ABR: variants seen among roughly 807,000 people sequenced by gnomAD.
ABR encodes the protein ABR activator of RhoGEF and GTPase, also known as active breakpoint cluster region-related protein.
ABR carries 35 observed loss-of-function variants against 107.2 expected under a neutral mutation model. The ratio of observed to expected loss-of-function variants is 0.33; its 90% CI spans 0.25 to 0.43. ABR has a LOEUF of 0.43. Ranked by LOEUF, ABR falls within the 20% of genes least tolerant of loss-of-function variation. The probability of loss-of-function intolerance (pLI) is 1.00; values close to 1 mark genes in which losing one functional copy is unlikely to be tolerated. For missense variants in ABR, 815 were observed against 1,115.2 expected, an observed-to-expected ratio of 0.73 and a Z score of 3.83; for synonymous variants, 498 against 462.0, an observed-to-expected ratio of 1.08 and a Z score of -1.00.
At chr17:1,046,737 A>G (rs1245259352) in intron 16 of ABR, among the ~76,000 whole-genome samples, 1 of 152,212 alleles carries the variant, frequency 6.6e-6, no homozygotes, top group Non-Finnish European at 1.5e-5. Context: ...CATGGCACAG[A>G]GGAGGGAACA....
chr17:1,163,353 T>C (rs2041382356), intron 1 of ABR, among the ~76,000 whole-genome samples: 1 of 152,200 alleles, frequency 6.6e-6, no homozygotes, highest in African/African-American at 2.4e-5. Context: ...GACAATTCCA[T>C]AGAAACTTTT....
intron 16 of ABR, among the ~76,000 whole-genome samples, chr17:1,028,318 C>T (rs188726298): frequency 4.0e-5 from 6 of 149,956 alleles, no homozygotes; most frequent in Middle Eastern, 7.0e-3. Flanking sequence ...AGGCTGGTCT[C>T]GAACGCCTGA....
chr17:1,134,845 G>A (rs562624798), intron 1 of ABR, among the ~76,000 whole-genome samples: 5 of 152,352 alleles, frequency 3.3e-5, no homozygotes, highest in Non-Finnish European at 5.9e-5. Context: ...CTGTGCCTCC[G>A]AGGAGTGCCT....
At chr17:1,197,841 C>T (rs914434304) in intron 1 of ABR, among the ~76,000 whole-genome samples, 3 of 151,634 alleles carry the variant, frequency 2.0e-5, no homozygotes, top group African/African-American at 7.3e-5. Flanking sequence ...CCCCAGAGAG[C>T]AGTATCTATG....
intron 1 of ABR, among the ~76,000 whole-genome samples, chr17:1,195,564 G>C (rs1032675861): frequency 2.6e-5 from 4 of 151,782 alleles, no homozygotes; most frequent in Non-Finnish European, 5.9e-5. Flanking sequence ...CAGCACTGTG[G>C]GAGGCCGAGG....
At chr17:1,172,857 GC>G (rs2041765761) in intron 1 of ABR, among the ~76,000 whole-genome samples, 2 of 152,096 alleles carry the variant, frequency 1.3e-5, no homozygotes, top group South Asian at 2.1e-4. Context: ...CCCTATCACA[GC>G]CCCAGAGATG....
intron 1 of ABR, among the ~76,000 whole-genome samples, chr17:1,131,135 C>G (rs552294231): frequency 6.1e-4 from 76 of 124,660 alleles, no homozygotes; most frequent in African/African-American, 2.5e-3. Context: ...CAGCTCCCCC[C>G]TCTTTGCACA....
intron 16 of ABR, among the ~76,000 whole-genome samples, chr17:1,042,622 C>T (rs1268567505): frequency 6.8e-6 from 1 of 148,074 alleles, no homozygotes; most frequent in Non-Finnish European, 1.5e-5. Flanking sequence ...GACGTGGCAC[C>T]TACATCCACG....
chr17:1,098,372 C>T (rs986139817), intron 3 of ABR, among the ~76,000 whole-genome samples: 3 of 151,668 alleles, frequency 2.0e-5, no homozygotes, highest in African/African-American at 7.3e-5. Context: ...ACACGGCGCC[C>T]GGCCAAAGCC....
At chr17:1,069,429 C>T (rs551960850) in intron 9 of ABR, among the ~76,000 whole-genome samples, 1 of 152,096 alleles carries the variant, frequency 6.6e-6, no homozygotes, top group Non-Finnish European at 1.5e-5. Flanking sequence ...TTTGGGAGGC[C>T]GAGGCGGGCA....
intron 16 of ABR, chr17:1,031,937 T>A: frequency 1.2e-6 from 1 of 853,800 alleles, no homozygotes; most frequent in Non-Finnish European, 1.5e-6. Flanking sequence ...GCATCCCTCC[T>A]TCCCCGCCCT....
intron 4 of ABR, 53 bp downstream of exon 4, chr17:1,091,612 T>A (rs933982159): frequency 4.6e-5 from 73 of 1,574,368 alleles, no homozygotes; most frequent in Non-Finnish European, 6.2e-5. Flanking sequence ...CCTGCAACAC[T>A]ATGGGCTCCA....
intron 1 of ABR, among the ~76,000 whole-genome samples, chr17:1,203,247 T>C: frequency 6.6e-6 from 1 of 151,108 alleles, no homozygotes. Context: ...GGAGACTCCT[T>C]GGAAGGGGCT....
chr17:1,031,749 G>GGA, intron 16 of ABR: 1 of 1,237,010 alleles, frequency 8.1e-7, no homozygotes, highest in Non-Finnish European at 1.0e-6. Context: ...CATGCCGGGG[G>GGA]GGACGGGACG....
intron 10 of ABR, among the ~76,000 whole-genome samples, chr17:1,066,716 A>G (rs1321231949): frequency 6.6e-6 from 1 of 151,984 alleles, no homozygotes; most frequent in African/African-American, 2.4e-5. Flanking sequence ...TTTAGTAGAG[A>G]CAGGGTTTTG....
chr17:1,042,284 C>T (rs967287824), intron 16 of ABR, among the ~76,000 whole-genome samples: 4 of 151,604 alleles, frequency 2.6e-5, no homozygotes, highest in East Asian at 1.9e-4. Context: ...CACCTACATC[C>T]GCGGATGGAT....
intron 1 of ABR, among the ~76,000 whole-genome samples, chr17:1,146,691 CACTGCCACCATGCCACCACTGCCACT>C (rs1567823942): frequency 6.6e-6 from 1 of 150,964 alleles, no homozygotes; most frequent in Admixed American, 6.6e-5. Flanking sequence ...CACACGACAC[CACTGCCACCATGCCACCACTGCCACT>C]ACTGCCACCA....
intron 1 of ABR, among the ~76,000 whole-genome samples, chr17:1,126,955 G>A (rs2039630165): frequency 6.6e-6 from 1 of 152,156 alleles, no homozygotes; most frequent in Non-Finnish European, 1.5e-5. Context: ...GTTCTCCACG[G>A]GGGCCCCAGC....
At chr17:1,220,727 T>C (rs2150758920) in intron 1 of ABR, among the ~76,000 whole-genome samples, 1 of 152,224 alleles carries the variant, frequency 6.6e-6, no homozygotes, top group East Asian at 1.9e-4. Flanking sequence ...AAAACGAACC[T>C]TACACAACCA....
Sources: allele counts gnomAD v4.1 joint callset (sites outside exome capture counted in the v4.1 genomes callset), GRCh38; gene constraint gnomAD v4.1.1; transcripts MANE v1.5; gene names NCBI Gene and HGNC (gene_info 2026-07-23, HGNC 2026-07-21).